ZNF440: variants seen among roughly 807,000 people sequenced by gnomAD.
The protein encoded by ZNF440 is zinc finger protein 440.
A neutral mutation model predicts 49.7 loss-of-function variants in ZNF440; 47 were observed. That is an observed-to-expected ratio of 0.95 (90% CI 0.75 to 1.21). The LOEUF is 1.21. Among genes scored for constraint, ZNF440 ranks in the 50% most tolerant of loss-of-function variants. The pLI is 0.00. For missense variants in ZNF440, 703 were observed against 715.0 expected (o/e 0.98, Z 0.19); for synonymous variants, 255 against 237.7 (o/e 1.07, Z -0.67).
At chr19:11,814,623 G>T (rs943433818) in intron 1 of ZNF440, among the ~76,000 whole-genome samples, 173 bp downstream of exon 1, 1 of 152,192 alleles carries the variant, frequency 6.6e-6, no homozygotes, top group Non-Finnish European at 1.5e-5. Flanking sequence ...CTCCTGTCCC[G>T]TCCCTTCACG....
intron 1 of ZNF440, among the ~76,000 whole-genome samples, chr19:11,829,824 C>T (rs183340471): frequency 8.5e-5 from 11 of 129,656 alleles, no homozygotes; most frequent in East Asian, 7.9e-4. Flanking sequence ...CAGAATGAGA[C>T]GCTGTCTTAA....
At chr19:11,827,154 C>G (rs1054803397) in intron 1 of ZNF440, among the ~76,000 whole-genome samples, 1 of 151,178 alleles carries the variant, frequency 6.6e-6, no homozygotes, top group African/African-American at 2.4e-5. Flanking sequence ...ACCTCTGTCT[C>G]CCGGGTTCCA....
chr19:11,824,198 A>G (rs1022073613), intron 1 of ZNF440, among the ~76,000 whole-genome samples: 38 of 150,956 alleles, frequency 2.5e-4, no homozygotes, highest in South Asian at 8.3e-4. Context: ...AAAAAAAAAA[A>G]AAAGAAAAGA....
In ZNF440 at chr19:11,833,228, G is replaced by A; in HGVS notation, c.*264G>A. ...ATTTCATAAAAGGACACACACTGGAGAGAAACCCTGTGAATGTAAGAAATG... is the reference window on the plus strand; with the variant it reads ...ATTTCATAAAAGGACACACACTGGAAAGAAACCCTGTGAATGTAAGAAATG... On this transcript the variant is annotated 3_prime_UTR_variant, in exon 4 of 4. Coordinates refer to ENST00000304060, the MANE Select transcript of ZNF440 (RefSeq NM_152357.3). The A allele has an allele frequency of 1.1e-6, 1 of 942,966 alleles. No homozygotes were observed. The highest frequency in any genetic ancestry group is 1.6e-6 in the Non-Finnish European group (1 of 624,544). 58.4% of individuals were successfully genotyped at this position (942,966 alleles called of 1,614,324 possible). A position where few individuals can be genotyped will look rare whatever the true frequency, so the allele number is the denominator to read the frequency against.
At chr19:11,816,348 G>A (rs200962262) in intron 1 of ZNF440, 1 of 150,774 alleles carries the variant, frequency 6.6e-6, no homozygotes, top group African/African-American at 2.5e-5. Context: ...CCTGTTTCTC[G>A]AGATTTTATG....
intron 1 of ZNF440, among the ~76,000 whole-genome samples, chr19:11,815,485 C>T (rs995110282): frequency 1.3e-5 from 2 of 152,156 alleles, no homozygotes; most frequent in Admixed American, 1.3e-4. Context: ...CAAAGAACAG[C>T]TTACTAAAGC....
Position 11,830,358 on chromosome 19 carries a change from A to C in ZNF440, c.79A>C (p.Lys27Gln). 6.2e-7 allele frequency: 1 copy of C among 1,614,206 alleles called. No homozygotes were observed. ...GGCTTTGCTGGATATTTCCCAGAGG[A>C]AACTCTACAGGGAAGTGATGCTGGA... Reference protein sequence around the residue: ...EWALLDISQRKLYREVMLETF... With the variant: ...EWALLDISQRQLYREVMLETF... The change falls in exon 2 of 4, where the codon AAA becomes CAA. Residue 27 changes from lysine to glutamine, a missense_variant. Lys to Gln is a moderately conservative substitution (Grantham distance 53, BLOSUM62 1). Transcript: ENST00000304060.
At position 11,832,775 on chromosome 19, in the gene ZNF440, G is replaced by T; in HGVS notation, c.1599G>T (p.Met533Ile). The T allele has an allele frequency of 6.2e-7, 1 of 1,613,496 alleles. No homozygotes were observed. The highest frequency in any genetic ancestry group is 8.5e-7 in the Non-Finnish European group (1 of 1,179,784). ...PSELCQSFECMVGLTLKRNPM... is the reference protein window; with the variant it reads ...PSELCQSFECIVGLTLKRNPM... The stretch of plus-strand genomic sequence containing the variant: ...AGCTGTGTCAATCCTTTGAATGCAT[G>T]GTAGGACTCACCCTGAAGAGAAACC... The change falls in exon 4 of 4, where the codon ATG becomes ATT. Residue 533 changes from methionine to isoleucine, a missense_variant. Met to Ile is a conservative substitution (Grantham distance 10). Transcript: ENST00000304060.
Position 11,834,950 on chromosome 19 carries a change from A to C in ZNF440, c.*1986A>C, listed in dbSNP as rs1043753536. On this transcript the variant is annotated 3_prime_UTR_variant, in exon 4 of 4. Transcript: ENST00000304060. ...GCTCCTGTAATCCTAGCTATTCAGGAGGCTGACATAGGAGAATTGCTTGAA... is the reference window on the plus strand; with the variant it reads ...GCTCCTGTAATCCTAGCTATTCAGGCGGCTGACATAGGAGAATTGCTTGAA... 2 of 152,264 alleles carry C rather than the reference A, an allele frequency of 1.3e-5. No individual in the cohort carries two copies. The highest frequency in any genetic ancestry group is 2.9e-5 in the Non-Finnish European group (2 of 68,086). 9.4% of individuals were successfully genotyped at this position (152,264 alleles called of 1,614,324 possible). A position where few individuals can be genotyped will look rare whatever the true frequency, so the allele number is the denominator to read the frequency against.
At chr19:11,823,449 GA>G (rs1334900230) in intron 1 of ZNF440, among the ~76,000 whole-genome samples, 1 of 151,654 alleles carries the variant, frequency 6.6e-6, no homozygotes, top group African/African-American at 2.4e-5. Context: ...TAATTTTAGT[GA>G]AAAAAACAAA....
In ZNF440 at chr19:11,814,329, T is replaced by G. The variant is rs1975704413; in HGVS notation, c.-119T>G. Reference sequence around the variant, plus strand: ...ACAGCGGTCAGGATCTCGGCTTTCTTGCTTCGAGAGGGACTAGGTGCCTCC... The same window carrying G: ...ACAGCGGTCAGGATCTCGGCTTTCTGGCTTCGAGAGGGACTAGGTGCCTCC... On this transcript the variant is annotated 5_prime_UTR_variant, in exon 1 of 4. Transcript: ENST00000304060. The G allele has an allele frequency of 8.4e-7, 1 of 1,192,938 alleles. No individual in the cohort carries two copies. The highest frequency in any genetic ancestry group is 3.4e-5 in the Admixed American group (1 of 29,092). 73.9% of individuals were successfully genotyped at this position (1,192,938 alleles called of 1,614,324 possible).
In ZNF440 at chr19:11,832,497, A is replaced by T; in HGVS notation, c.1321A>T (p.Ser441Cys). The T allele has an allele frequency of 6.2e-7, 1 of 1,613,944 alleles. No individual in the cohort carries two copies. Among genetic ancestry groups the T allele is most frequent in the Non-Finnish European group, 8.5e-7 (1 of 1,179,984 alleles). Residue 441 changes from serine to cysteine, a missense_variant, in exon 4 of 4, where the codon AGT becomes TGT. Ser to Cys is a moderately radical substitution (Grantham distance 112, BLOSUM62 -1). Transcript: ENST00000304060. ...KAFRYVNNLQSHERTQTHIRI... is the reference protein window; with the variant it reads ...KAFRYVNNLQCHERTQTHIRI... ...CTTCAGATATGTGAATAACCTTCAAAGTCATGAAAGGACACAAACACACAT... is the reference window on the plus strand; with the variant it reads ...CTTCAGATATGTGAATAACCTTCAATGTCATGAAAGGACACAAACACACAT...
At chr19:11,831,254 G>T (rs1975933056) in intron 3 of ZNF440, 114 bp from the exon 4 acceptor site, 2 of 1,369,552 alleles carry the variant, frequency 1.5e-6, no homozygotes, top group South Asian at 2.9e-5. Context: ...TTCAGACAGG[G>T]CAGAAAGCCT....
At chr19:11,826,405 T>A (rs1364815474) in intron 1 of ZNF440, among the ~76,000 whole-genome samples, 1 of 152,132 alleles carries the variant, frequency 6.6e-6, no homozygotes, top group Non-Finnish European at 1.5e-5. Context: ...TGGGAGGACT[T>A]TCGTGTGGAC....
Position 11,814,453 on chromosome 19 carries a change from G to T in ZNF440, c.3+3G>T. On this transcript the variant is annotated splice_donor_region_variant and intron_variant, in intron 1 of 3. Coordinates refer to ENST00000304060, the MANE Select transcript of ZNF440 (RefSeq NM_152357.3). ...AACACCCTGGAAGCCGAGAAATGGT[G>T]TGTGTGAGGGGGCTGGCGTCCGGGC... The T allele has an allele frequency of 6.5e-7, 1 of 1,541,234 alleles. No homozygotes were observed. The highest frequency in any genetic ancestry group is 1.4e-5 in the African/African-American group (1 of 70,206).
chr19:11,816,603 G>A (rs951762820), intron 1 of ZNF440: 16 of 152,248 alleles, frequency 1.1e-4, no homozygotes, highest in African/African-American at 3.6e-4. Flanking sequence ...TTGGCCAAGA[G>A]CCAGTCACTT....
chr19:11,830,709 T>C, intron 3 of ZNF440, 32 bp downstream of exon 3: 2 of 1,602,344 alleles, frequency 1.2e-6, no homozygotes, highest in Non-Finnish European at 1.7e-6. Context: ...AAGCAGTGTC[T>C]CTCTAGACAA....
At position 11,819,663 on chromosome 19, in the gene ZNF440, G is replaced by T. The variant is rs147095481; in HGVS notation, c.3+5213G>T. 5.5e-3 allele frequency among the ~76,000 whole-genome samples: 839 copies of T among 152,334 alleles called. 10 individuals are homozygous for T. The highest frequency in any genetic ancestry group is 0.019 in the African/African-American group (808 of 41,582). On this transcript the variant is annotated intron_variant, in intron 1 of 3. Transcript: ENST00000304060. ...GATCCGTTCGCCTTGGCCTTCCAAA[G>T]TGTTGGGATTACAGGAGTGAGCCAC...
rs61746263 is a variant in ZNF440, at chr19:11,831,919, G to T, written c.743G>T (p.Arg248Ile). 9.1e-5 allele frequency: 147 copies of T among 1,613,790 alleles called. No homozygotes were observed. The highest frequency in any genetic ancestry group is 1.2e-4 in the Non-Finnish European group (141 of 1,179,926). The change falls in exon 4 of 4, where the codon AGA becomes ATA. Residue 248 changes from arginine to isoleucine, a missense_variant. Coordinates refer to ENST00000304060, the MANE Select transcript of ZNF440 (RefSeq NM_152357.3). ...SYSATHRIHKRTHTGEKPYEY... is the reference protein window; with the variant it reads ...SYSATHRIHKITHTGEKPYEY... Reference sequence around the variant, plus strand: ...TCTGCTACCCATCGAATACATAAAAGAACTCACACTGGAGAAAAGCCTTAT... The same window carrying T: ...TCTGCTACCCATCGAATACATAAAATAACTCACACTGGAGAAAAGCCTTAT...
Sources: allele counts gnomAD v4.1 joint callset (sites outside exome capture counted in the v4.1 genomes callset), GRCh38; gene constraint gnomAD v4.1.1; transcripts MANE v1.5; gene names NCBI Gene and HGNC (gene_info 2026-07-23, HGNC 2026-07-21).